MAP4K3: variants seen among roughly 807,000 people sequenced by gnomAD.
MAP4K3 encodes the protein mitogen-activated protein kinase kinase kinase kinase 3, also known as MAPK/ERK kinase kinase kinase 3.
In MAP4K3, 94 loss-of-function variants were observed where a neutral mutation model predicts 143.5. The observed-to-expected ratio is 0.65, with a 90% CI of 0.55 to 0.78. The LOEUF (loss-of-function observed/expected upper bound fraction) is 0.78. Ranked by LOEUF, MAP4K3 falls within the 30% of genes least tolerant of loss-of-function variation. The probability of loss-of-function intolerance (pLI) is 0.00; values close to 1 mark genes in which losing one functional copy is unlikely to be tolerated. For synonymous variants in MAP4K3, 416 were observed against 347.2 expected, an observed-to-expected ratio of 1.20 and a Z score of -2.20; for missense variants, 1,077 against 1,068.1, an observed-to-expected ratio of 1.01 and a Z score of -0.12.
intron 13 of MAP4K3, among the ~76,000 whole-genome samples, chr2:39,311,900 C>G (rs1682949253): frequency 6.6e-6 from 1 of 152,132 alleles, no homozygotes; most frequent in Admixed American, 6.5e-5. Context: ...TCAATACCTT[C>G]AGACTTAAAG....
At chr2:39,295,863 C>T (rs1218924050) in intron 16 of MAP4K3, among the ~76,000 whole-genome samples, 1 of 151,712 alleles carries the variant, frequency 6.6e-6, no homozygotes, top group African/African-American at 2.4e-5. Context: ...GGATTACAGG[C>T]GTGCACCACC....
chr2:39,293,065 T>C (rs1488475499), intron 17 of MAP4K3, among the ~76,000 whole-genome samples, 165 bp downstream of exon 17: 1 of 151,988 alleles, frequency 6.6e-6, no homozygotes, highest in Non-Finnish European at 1.5e-5. Flanking sequence ...TGCAGTGAGC[T>C]ATGATCATAC....
intron 19 of MAP4K3, among the ~76,000 whole-genome samples, chr2:39,288,526 C>A (rs893610252): frequency 6.6e-6 from 1 of 152,088 alleles, no homozygotes; most frequent in African/African-American, 2.4e-5. Flanking sequence ...GCCTCTAAGT[C>A]GACTTTTTTA....
intron 1 of MAP4K3, among the ~76,000 whole-genome samples, chr2:39,436,449 G>A (rs930244939): frequency 1.3e-5 from 2 of 152,072 alleles, no homozygotes; most frequent in Non-Finnish European, 2.9e-5. Context: ...TACCACCGAG[G>A]CCTGGTGGGC....
At chr2:39,428,878 G>A (rs1310712467) in intron 1 of MAP4K3, among the ~76,000 whole-genome samples, 1 of 151,384 alleles carries the variant, frequency 6.6e-6, no homozygotes, top group Non-Finnish European at 1.5e-5. Context: ...GACCAGCCTG[G>A]CCAACATGGT....
At chr2:39,384,208 G>A (rs959538818) in intron 1 of MAP4K3, among the ~76,000 whole-genome samples, 2 of 151,864 alleles carry the variant, frequency 1.3e-5, no homozygotes. Flanking sequence ...ACCCTTTATC[G>A]ACAACTTGCT....
At chr2:39,278,513 A>AT in intron 23 of MAP4K3, 27 bp from the exon 24 acceptor site, 1 of 1,255,874 alleles carries the variant, frequency 8.0e-7, no homozygotes, top group South Asian at 1.4e-5. Flanking sequence ...TCACTGACTG[A>AT]TTTTGGTAAA....
chr2:39,365,430 A>ATTT (rs151026787), intron 2 of MAP4K3, among the ~76,000 whole-genome samples: 53 of 87,932 alleles, frequency 6.0e-4, no homozygotes, highest in African/African-American at 1.5e-3. Context: ...CGCCATAGTA[A>ATTT]TTTTTTTTTT....
intron 28 of MAP4K3, among the ~76,000 whole-genome samples, chr2:39,263,398 G>A (rs1168825966): frequency 6.8e-6 from 1 of 147,606 alleles, no homozygotes; most frequent in African/African-American, 2.5e-5. Context: ...TCAGCCTCCC[G>A]AGTAGCTGGG....
chr2:39,275,534 A>C (rs952033979), intron 24 of MAP4K3, among the ~76,000 whole-genome samples: 2 of 152,084 alleles, frequency 1.3e-5, no homozygotes, highest in Non-Finnish European at 2.9e-5. Flanking sequence ...ATAAATGCTT[A>C]CTCCACCTAT....
Position 39,254,482 on chromosome 2 carries a change from C to T in MAP4K3, c.2509G>A (p.Gly837Arg). Residue 837 changes from glycine to arginine, a missense_variant, in exon 32 of 34, where the codon GGA becomes AGA. Physicochemically the swap from Gly to Arg is moderately radical, Grantham distance 125. Transcript: ENST00000263881. ...GATCTAAAACTTCTACCTTGCATTC[C>T]ATGTTTCCAGAAAGCTAGCACACTG... ...QDSVLAFWKH[G>R]MQGRSFRSNE... The T allele has an allele frequency of 6.2e-7, 1 of 1,613,794 alleles. No individual in the cohort carries two copies. Among genetic ancestry groups the T allele is most frequent in the South Asian group, 1.1e-5 (1 of 91,038 alleles).
intron 6 of MAP4K3, among the ~76,000 whole-genome samples, chr2:39,335,807 G>A (rs1573166876): frequency 6.6e-6 from 1 of 152,134 alleles, no homozygotes; most frequent in East Asian, 1.9e-4. Context: ...CAGGTTATCT[G>A]CGAGTCCATT....
At chr2:39,284,835 C>T (rs1681693724) in intron 21 of MAP4K3, among the ~76,000 whole-genome samples, 1 of 151,652 alleles carries the variant, frequency 6.6e-6, no homozygotes, top group Non-Finnish European at 1.5e-5. Context: ...CAGAGCGAGA[C>T]TCCATCTCAA....
At chr2:39,328,931 AG>A (rs746735791) in intron 8 of MAP4K3, among the ~76,000 whole-genome samples, 6 of 152,230 alleles carry the variant, frequency 3.9e-5, no homozygotes, top group Admixed American at 2.0e-4. Flanking sequence ...TGTCATTTCA[AG>A]CAGACTTTTT....
intron 1 of MAP4K3, among the ~76,000 whole-genome samples, chr2:39,416,065 T>C (rs1341096621): frequency 7.0e-5 from 10 of 142,562 alleles, no homozygotes; most frequent in African/African-American, 2.6e-4. Flanking sequence ...ATTTTAGGAC[T>C]CAAATTTAAG....
chr2:39,323,148 G>A (rs192087480), intron 12 of MAP4K3, among the ~76,000 whole-genome samples: 271 of 152,200 alleles, frequency 1.8e-3, no homozygotes, highest in African/African-American at 6.2e-3. Flanking sequence ...ACTGTGAGAG[G>A]GAATGTAACA....
chr2:39,332,339 A>C (rs1558651282), intron 7 of MAP4K3, among the ~76,000 whole-genome samples: 1 of 152,020 alleles, frequency 6.6e-6, no homozygotes, highest in Non-Finnish European at 1.5e-5. Context: ...AATCCAAGGA[A>C]TATCACTGGA....
chr2:39,263,490 AG>A (rs1436641190), intron 28 of MAP4K3, among the ~76,000 whole-genome samples: 1 of 148,648 alleles, frequency 6.7e-6, no homozygotes, highest in Non-Finnish European at 1.5e-5. Flanking sequence ...CGTGTTAGCC[AG>A]GATGGTCTCG....
In MAP4K3 at chr2:39,337,752, G is replaced by GTTTTTTTTTTTTTT. The variant is rs570853243; in HGVS notation, c.311-185_311-172dup. Reference sequence around the variant, plus strand: ...TACTGTCCTACTGTGCCTGGCTCCAGTTTTTTTTTTTTTTTTTTTTTTTTT... The same window carrying GTTTTTTTTTTTTTT: ...TACTGTCCTACTGTGCCTGGCTCCAGTTTTTTTTTTTTTTTTTTTTTTTTTTTTTTTTTTTTTTT... On this transcript the variant is annotated intron_variant, in intron 4 of 33. Transcript: ENST00000263881. Among the ~76,000 whole-genome samples, 15 of 70,510 alleles carry GTTTTTTTTTTTTTT rather than the reference G, an allele frequency of 2.1e-4. 2 individuals are homozygous for GTTTTTTTTTTTTTT. The highest frequency in any genetic ancestry group is 7.6e-4 in the South Asian group (1 of 1,324). The allele number at this position is 70,510 out of a possible 152,430, so 46.3% of individuals were successfully genotyped here. A position where few individuals can be genotyped will look rare whatever the true frequency, so the allele number is the denominator to read the frequency against.
Sources: allele counts gnomAD v4.1 joint callset (sites outside exome capture counted in the v4.1 genomes callset), GRCh38; gene constraint gnomAD v4.1.1; transcripts MANE v1.5; gene names NCBI Gene and HGNC (gene_info 2026-07-23, HGNC 2026-07-21).